The following PGAP1 variants were observed in gnomAD, a reference collection of about 807,000 sequenced individuals.
PGAP1 encodes the protein GPI inositol-deacylase.
A neutral mutation model predicts 127.0 loss-of-function variants in PGAP1; 76 were observed. The observed-to-expected ratio is 0.60, with a 90% CI of 0.50 to 0.72. PGAP1 has a LOEUF of 0.72. PGAP1 is among the 30% of genes least tolerant of loss of function. The probability of loss-of-function intolerance (pLI) is 0.00; values close to 1 mark genes in which losing one functional copy is unlikely to be tolerated. For missense variants in PGAP1, 982 were observed against 1,071.3 expected (o/e 0.92, Z 1.16); for synonymous variants, 362 against 366.5 (o/e 0.99, Z 0.14).
At chr2:196,888,237 T>G (rs887004596) in intron 10 of PGAP1, among the ~76,000 whole-genome samples, 3 of 152,122 alleles carry the variant, frequency 2.0e-5, no homozygotes, top group African/African-American at 7.2e-5. Context: ...GATCAAAAAT[T>G]TATAGTTCTC....
chr2:196,858,813 C>A (rs1257215331), intron 20 of PGAP1, among the ~76,000 whole-genome samples: 2 of 151,710 alleles, frequency 1.3e-5, no homozygotes, highest in African/African-American at 4.8e-5. Context: ...AAACTTTTAG[C>A]TAGACTAAGA....
At chr2:196,903,915 G>T (rs533099851) in intron 4 of PGAP1, among the ~76,000 whole-genome samples, 22 of 152,194 alleles carry the variant, frequency 1.4e-4, no homozygotes, top group African/African-American at 5.3e-4. Context: ...CCCACTCAGG[G>T]CTTCAAACAC....
At chr2:196,916,865 A>C (rs1449482074) in intron 2 of PGAP1, among the ~76,000 whole-genome samples, 1 of 152,194 alleles carries the variant, frequency 6.6e-6, no homozygotes, top group Non-Finnish European at 1.5e-5. Flanking sequence ...CTTTGGTAGG[A>C]GCAACAATAG....
chr2:196,880,700 A>T (rs956309500), intron 12 of PGAP1, among the ~76,000 whole-genome samples: 8 of 152,176 alleles, frequency 5.3e-5, no homozygotes, highest in Admixed American at 2.6e-4. Context: ...AATGATAAAG[A>T]CAAGTATGTC....
intron 18 of PGAP1, 67 bp downstream of exon 18, chr2:196,872,374 T>G: frequency 9.0e-7 from 1 of 1,108,138 alleles, no homozygotes; most frequent in Non-Finnish European, 1.3e-6. Flanking sequence ...CTGAAGCTTA[T>G]ATAAAAAGAA....
intron 3 of PGAP1, among the ~76,000 whole-genome samples, chr2:196,913,634 T>C (rs951469294): frequency 6.6e-6 from 1 of 152,234 alleles, no homozygotes; most frequent in African/African-American, 2.4e-5. Flanking sequence ...TTCAACAATC[T>C]CCTCAGTCTC....
At position 196,887,539 on chromosome 2, in the gene PGAP1, T is replaced by C. The variant is rs552688604; in HGVS notation, c.1174-1659A>G. Among the ~76,000 whole-genome samples the C allele has an allele frequency of 7.4e-4, 112 of 152,300 alleles. 1 individual carries two copies. The highest frequency in any genetic ancestry group is 7.3e-3 in the Admixed American group (112 of 15,298). On this transcript the variant is annotated intron_variant, in intron 10 of 26. Transcript: ENST00000354764. ...CAAGACATAAGAGGATGAGAAGCAC[T>C]GCTCACATAGCTACATAAATTTGTC...
chr2:196,899,708 C>T (rs1384758305), intron 5 of PGAP1, among the ~76,000 whole-genome samples: 1 of 152,204 alleles, frequency 6.6e-6, no homozygotes, highest in Non-Finnish European at 1.5e-5. Flanking sequence ...GCACACTTGG[C>T]TAGACTACAG....
At chr2:196,916,668 A>T (rs1703020065) in intron 2 of PGAP1, 75 bp from the exon 3 acceptor site, 11 of 1,391,322 alleles carry the variant, frequency 7.9e-6, no homozygotes, top group East Asian at 5.1e-5. Flanking sequence ...AGAATTTCTT[A>T]GTAAATAACC....
chr2:196,883,101 A>G (rs1408360850), intron 12 of PGAP1, among the ~76,000 whole-genome samples: 1 of 152,196 alleles, frequency 6.6e-6, no homozygotes, highest in African/African-American at 2.4e-5. Context: ...TTCTGCATCT[A>G]TTGAGATAAT....
chr2:196,883,927 CTT>C (rs1338858062), intron 12 of PGAP1, among the ~76,000 whole-genome samples: 1 of 152,304 alleles, frequency 6.6e-6, no homozygotes, highest in South Asian at 2.1e-4. Context: ...TAACTTCTCT[CTT>C]TCAGCATTTG....
intron 20 of PGAP1, among the ~76,000 whole-genome samples, chr2:196,864,585 A>C (rs1247523332): frequency 6.6e-6 from 1 of 152,062 alleles, no homozygotes; most frequent in Non-Finnish European, 1.5e-5. Flanking sequence ...GTTAGACTCA[A>C]AGTTATTCTT....
intron 10 of PGAP1, among the ~76,000 whole-genome samples, chr2:196,886,551 T>C (rs889552859): frequency 2.6e-5 from 4 of 152,202 alleles, no homozygotes; most frequent in Admixed American, 6.5e-5. Flanking sequence ...TAGATAGTTA[T>C]ATAGTAAGTA....
Position 196,847,942 on chromosome 2 carries a change from C to A in PGAP1, c.1952+5G>T. 1 of 1,544,816 alleles carries A rather than the reference C, an allele frequency of 6.5e-7. No individual in the cohort carries two copies. Among genetic ancestry groups the A allele is most frequent in the Non-Finnish European group, 8.7e-7 (1 of 1,144,282 alleles). On this transcript the variant is annotated splice_donor_5th_base_variant and intron_variant, in intron 21 of 26. Coordinates refer to ENST00000354764, the MANE Select transcript of PGAP1 (RefSeq NM_024989.4). The stretch of plus-strand genomic sequence containing the variant: ...AAAATCATTATCACAGATAATAAAA[C>A]TTACCCCAACAGAAACTTAATGATA...
intron 12 of PGAP1, among the ~76,000 whole-genome samples, chr2:196,881,857 C>G (rs899339038): frequency 1.3e-5 from 2 of 152,110 alleles, no homozygotes; most frequent in Non-Finnish European, 2.9e-5. Flanking sequence ...TGTGCAGAAA[C>G]TTTTTAGTTT....
At chr2:196,877,721 C>T (rs1007863405) in intron 13 of PGAP1, 2 of 152,198 alleles carry the variant, frequency 1.3e-5, no homozygotes, top group East Asian at 3.9e-4. Context: ...TCCCCCTTTT[C>T]CTTTCTCTAT....
In PGAP1 at chr2:196,871,081, A is replaced by G. The variant is rs1332866452; in HGVS notation, c.1729-102T>C. ...TGCATATCTCTAAGCATAATAATTG[A>G]TTTTCTATAATGGTAAACCTTAAAG... On this transcript the variant is annotated intron_variant, in intron 18 of 26. Transcript: ENST00000354764. 4 of 774,156 alleles carry G rather than the reference A, an allele frequency of 5.2e-6. No homozygotes were observed. The African/African-American group carries it at 7.1e-5, about 14-fold the overall frequency. The allele number at this position is 774,156 out of a possible 1,614,324, so 48.0% of individuals were successfully genotyped here.
chr2:196,848,096 AT>A, intron 20 of PGAP1, 59 bp from the exon 21 acceptor site: 1 of 1,169,894 alleles, frequency 8.5e-7, no homozygotes, highest in South Asian at 1.5e-5. Context: ...GATATACTAT[AT>A]CCCACGTTCT....
chr2:196,856,538 G>A (rs1396613829), intron 20 of PGAP1, among the ~76,000 whole-genome samples: 3 of 152,054 alleles, frequency 2.0e-5, no homozygotes, highest in African/African-American at 7.2e-5. Context: ...AAAATGAGAA[G>A]TGCTTTATTC....
Sources: allele counts gnomAD v4.1 joint callset (sites outside exome capture counted in the v4.1 genomes callset), GRCh38; gene constraint gnomAD v4.1.1; transcripts MANE v1.5; gene names NCBI Gene and HGNC (gene_info 2026-07-23, HGNC 2026-07-21).